UVRAG: variants seen among roughly 807,000 people sequenced by gnomAD.
UVRAG encodes UV radiation resistance-associated gene protein.
UVRAG carries 19 observed loss-of-function variants against 78.0 expected under a neutral mutation model. The ratio of observed to expected loss-of-function variants is 0.24; its 90% CI spans 0.17 to 0.36. The LOEUF (loss-of-function observed/expected upper bound fraction) is 0.36, where lower values mean the gene tolerates loss of function less well. Among genes scored for constraint, UVRAG ranks in the 10% least tolerant of loss-of-function variants. UVRAG has a pLI of 1.00. For missense variants in UVRAG, 740 were observed against 853.8 expected, an observed-to-expected ratio of 0.87 and a Z score of 1.66; for synonymous variants, 323 against 324.6, an observed-to-expected ratio of 1.00 and a Z score of 0.05.
intron 13 of UVRAG, among the ~76,000 whole-genome samples, chr11:76,094,172 G>A (rs536897845): frequency 2.8e-4 from 42 of 152,212 alleles, no homozygotes; most frequent in African/African-American, 9.4e-4. Flanking sequence ...ATTGATTTGT[G>A]TATGTTGAAC....
chr11:76,091,467 ATT>A (rs559131479), intron 13 of UVRAG, among the ~76,000 whole-genome samples: 1 of 150,986 alleles, frequency 6.6e-6, no homozygotes, highest in South Asian at 2.1e-4. Flanking sequence ...ACTCCCTTTT[ATT>A]TTTTTTTATA....
intron 1 of UVRAG, among the ~76,000 whole-genome samples, chr11:75,844,740 A>G (rs919161954): frequency 1.1e-4 from 17 of 150,664 alleles, no homozygotes; most frequent in Admixed American, 1.1e-3. Context: ...TGGTGCCATC[A>G]TGGCTCACTG....
chr11:76,005,908 A>G (rs939345936), intron 9 of UVRAG, among the ~76,000 whole-genome samples: 1 of 152,236 alleles, frequency 6.6e-6, no homozygotes, highest in African/African-American at 2.4e-5. Context: ...GGGAGGGAGC[A>G]TGGAGCTTCC....
At chr11:75,896,130 C>T (rs1947340153) in intron 5 of UVRAG, among the ~76,000 whole-genome samples, 2 of 152,128 alleles carry the variant, frequency 1.3e-5, no homozygotes, top group African/African-American at 2.4e-5. Context: ...TTGAAGAGCA[C>T]TTCAGGAAGA....
intron 7 of UVRAG, among the ~76,000 whole-genome samples, chr11:75,974,797 A>G (rs1565406995): frequency 6.6e-6 from 1 of 152,156 alleles, no homozygotes; most frequent in Non-Finnish European, 1.5e-5. Flanking sequence ...AGATGAGTAG[A>G]TTGCAAAAAT....
chr11:76,050,587 C>A (rs189550788), intron 12 of UVRAG, among the ~76,000 whole-genome samples: 1 of 152,078 alleles, frequency 6.6e-6, no homozygotes, highest in African/African-American at 2.4e-5. Context: ...CAGAAGGCAA[C>A]AAAATGAATA....
At position 75,920,008 on chromosome 11, in the gene UVRAG, G is replaced by GTTTTTTTT. The variant is rs140217190; in HGVS notation, c.593+7997_593+8004dup. Among the ~76,000 whole-genome samples, 87 of 55,482 alleles carry GTTTTTTTT rather than the reference G, an allele frequency of 1.6e-3. 14 individuals carry two copies. Among genetic ancestry groups the GTTTTTTTT allele is most frequent in the Non-Finnish European group, 1.7e-3 (50 of 29,630 alleles). 36.4% of individuals were successfully genotyped at this position (55,482 alleles called of 152,430 possible). ...CAAAATTTAAAATAAAATAATTTTGGTTTTTTTTTTTTTTTTTTTTTTTTT... is the reference window on the plus strand; with the variant it reads ...CAAAATTTAAAATAAAATAATTTTGGTTTTTTTTTTTTTTTTTTTTTTTTTTTTTTTTT... On this transcript the variant is annotated intron_variant, in intron 6 of 14. Coordinates refer to ENST00000356136, the MANE Select transcript of UVRAG (RefSeq NM_003369.4).
At chr11:75,945,564 C>T (rs987398117) in intron 6 of UVRAG, among the ~76,000 whole-genome samples, 1 of 152,076 alleles carries the variant, frequency 6.6e-6, no homozygotes, top group African/African-American at 2.4e-5. Flanking sequence ...CCTACAGGTG[C>T]CTGGTCTTTT....
At chr11:76,031,395 AG>A (rs1950435762) in intron 12 of UVRAG, among the ~76,000 whole-genome samples, 1 of 152,206 alleles carries the variant, frequency 6.6e-6, no homozygotes, top group Non-Finnish European at 1.5e-5. Flanking sequence ...CCGCTGAGAG[AG>A]GAGAAATGTG....
In UVRAG at chr11:75,905,964, A is replaced by G. The variant is rs567592556; in HGVS notation, c.508-5990A>G. Among the ~76,000 whole-genome samples, 3 of 151,990 alleles carry G rather than the reference A, an allele frequency of 2.0e-5. No homozygotes were observed. In the South Asian group the frequency reaches 6.2e-4, roughly 32 times the overall value. On this transcript the variant is annotated intron_variant, in intron 5 of 14. Transcript: ENST00000356136. ...GTTCTCATTTCTCCACATCCTCACT[A>G]TCTTCTGTTTGTTTGTTATGCTATT...
chr11:76,129,912 C>T (rs1477558320), intron 14 of UVRAG, among the ~76,000 whole-genome samples: 1 of 151,936 alleles, frequency 6.6e-6, no homozygotes, highest in African/African-American at 2.4e-5. Flanking sequence ...CACACACTCA[C>T]TCACTCTCAC....
intron 4 of UVRAG, among the ~76,000 whole-genome samples, chr11:75,882,130 C>T (rs758783895): frequency 3.3e-5 from 5 of 152,096 alleles, no homozygotes; most frequent in African/African-American, 7.2e-5. Flanking sequence ...CATCTTGATG[C>T]TTTCTTCATA....
intron 12 of UVRAG, among the ~76,000 whole-genome samples, chr11:76,050,128 C>T (rs1012650526): frequency 3.3e-5 from 5 of 152,216 alleles, no homozygotes; most frequent in African/African-American, 4.8e-5. Context: ...TAATAGTAGA[C>T]GGCTCTACCT....
At chr11:76,111,887 T>G (rs1286782777) in intron 13 of UVRAG, among the ~76,000 whole-genome samples, 1 of 142,562 alleles carries the variant, frequency 7.0e-6, no homozygotes, top group Non-Finnish European at 1.5e-5. Context: ...TACGAGACAT[T>G]AGAGGAAAGC....
intron 6 of UVRAG, among the ~76,000 whole-genome samples, chr11:75,925,684 G>A (rs1948084589): frequency 1.3e-5 from 2 of 151,746 alleles, no homozygotes; most frequent in South Asian, 4.2e-4. Flanking sequence ...GGCCTACACA[G>A]GGGGTGGAGA....
chr11:76,134,151 G>C (rs550569626), intron 14 of UVRAG, among the ~76,000 whole-genome samples: 39 of 151,578 alleles, frequency 2.6e-4, no homozygotes, highest in Non-Finnish European at 4.9e-4. Flanking sequence ...AGTAGAGATG[G>C]GGTTTTGCCA....
chr11:75,879,950 G>C lies in UVRAG; in HGVS notation c.342G>C (p.Val114=), dbSNP rs1157823529. 1 of 1,614,058 alleles carries C rather than the reference G, an allele frequency of 6.2e-7. No individual in the cohort carries two copies. The highest frequency in any genetic ancestry group is 1.3e-5 in the African/African-American group (1 of 74,922). ...TTGATACATCTGTGTCTTGTTTCGT[G>C]GTGAAGATATGGGGTGGAAAGGAGA... ...DRLDTSVSCF[V]VKIWGGKENI... is the part of the protein sequence containing the mutation. The change falls in exon 4 of 15, where the codon GTG becomes GTC. Residue 114 remains valine (V), a synonymous_variant. Coordinates refer to ENST00000356136, the MANE Select transcript of UVRAG (RefSeq NM_003369.4).
chr11:75,998,781 G>A (rs1216904581), intron 8 of UVRAG, among the ~76,000 whole-genome samples: 1 of 152,222 alleles, frequency 6.6e-6, no homozygotes, highest in East Asian at 1.9e-4. Flanking sequence ...ATATAAGGCA[G>A]TTTTTACTAG....
In UVRAG at chr11:75,864,965, G is replaced by A. The variant is rs547165761; in HGVS notation, c.270+3185G>A. ...AGTGGCTTGGTTTCATCACTCTGAC[G>A]TCAAAGGAGACATGGAAAAATGGAC... On this transcript the variant is annotated intron_variant, in intron 3 of 14. Transcript: ENST00000356136. Among the ~76,000 whole-genome samples the A allele has an allele frequency of 6.4e-4, 97 of 152,190 alleles. 2 individuals are homozygous for A. The Middle Eastern group carries it at 0.017, about 27-fold the overall frequency.
Sources: allele counts gnomAD v4.1 joint callset (sites outside exome capture counted in the v4.1 genomes callset), GRCh38; gene constraint gnomAD v4.1.1; transcripts MANE v1.5; gene names NCBI Gene and HGNC (gene_info 2026-07-23, HGNC 2026-07-21).